The following METTL15 variants were observed in gnomAD, a reference collection of about 807,000 sequenced individuals.
METTL15 encodes 12S rRNA N(4)-cytidine methyltransferase METTL15.
A neutral mutation model predicts 38.3 loss-of-function variants in METTL15; 34 were observed. The observed-to-expected ratio is 0.89, with a 90% CI of 0.68 to 1.18. The LOEUF is 1.18. Among genes scored for constraint, METTL15 ranks in the 50% most tolerant of loss-of-function variants. METTL15 has a pLI of 0.00. For synonymous variants in METTL15, 162 were observed against 170.9 expected (o/e 0.95, Z 0.41); for missense variants, 438 against 498.4 (o/e 0.88, Z 1.15).
intron 6 of METTL15, among the ~76,000 whole-genome samples, chr11:28,509,099 G>A (rs1005592505): frequency 6.6e-6 from 1 of 152,176 alleles, no homozygotes; most frequent in Non-Finnish European, 1.5e-5. Flanking sequence ...TGTGGCACAG[G>A]TTTGCAATTT....
rs71050961 is a variant in METTL15 at position 28,479,057 on chromosome 11, TTGTGTGTGTGTGTGTG to T, written c.*425-47397_*425-47382del. Among the ~76,000 whole-genome samples, 580 of 146,832 alleles carry T rather than the reference TTGTGTGTGTGTGTGTG, an allele frequency of 4.0e-3. 5 individuals carry two copies. Among genetic ancestry groups the T allele is most frequent in the African/African-American group, 0.013 (538 of 40,326 alleles). ...ACTCTAGTTTTTTGCTTATTTCTCT[TTGTGTGTGTGTGTGTG>T]TGTGTGTGTGTGTGTGTGTGTGTTT... On this transcript the variant is annotated intron_variant and NMD_transcript_variant, in intron 6 of 7. Transcript: ENST00000532947.
intron 3 of METTL15, among the ~76,000 whole-genome samples, chr11:28,144,570 T>C (rs1849813716): frequency 6.6e-6 from 1 of 152,160 alleles, no homozygotes; most frequent in Admixed American, 6.5e-5. Flanking sequence ...GATTTTTTTT[T>C]CAAAGTGCAG....
intron 6 of METTL15, among the ~76,000 whole-genome samples, chr11:28,302,283 T>G (rs532060993): frequency 6.6e-6 from 1 of 152,264 alleles, no homozygotes; most frequent in East Asian, 1.9e-4. Context: ...AGCTCTGCTT[T>G]TAGAATGTTT....
At chr11:28,134,429 A>C (rs560043825) in intron 3 of METTL15, 1 of 396,976 alleles carries the variant, frequency 2.5e-6, no homozygotes, top group Non-Finnish European at 4.4e-6. Flanking sequence ...TATTTAGGCA[A>C]GGCCCCTGTG....
intron 2 of METTL15, among the ~76,000 whole-genome samples, chr11:28,111,776 T>C (rs1851728864): frequency 6.6e-6 from 1 of 152,236 alleles, no homozygotes; most frequent in African/African-American, 2.4e-5. Context: ...GTGGTTATAA[T>C]AGTAAGTGGT....
intron 4 of METTL15, among the ~76,000 whole-genome samples, chr11:28,246,433 T>G (rs1338437869): frequency 6.6e-6 from 1 of 152,128 alleles, no homozygotes. Context: ...AGATATTTAT[T>G]TTGGCTTGGG....
intron 5 of METTL15, among the ~76,000 whole-genome samples, chr11:28,422,824 C>A (rs1850831976): frequency 6.6e-6 from 1 of 151,876 alleles, no homozygotes; most frequent in Admixed American, 6.6e-5. Flanking sequence ...GGACAGGCAA[C>A]CAAAGCAAAA....
At chr11:28,308,972 TATCA>T (rs976126920) in intron 6 of METTL15, among the ~76,000 whole-genome samples, 1 of 152,092 alleles carries the variant, frequency 6.6e-6, no homozygotes, top group Admixed American at 6.6e-5. Context: ...ATAGCCATTC[TATCA>T]ATCAACCAAT....
intron 4 of METTL15, among the ~76,000 whole-genome samples, chr11:28,220,716 T>C (rs1235362771): frequency 6.6e-6 from 1 of 152,170 alleles, no homozygotes; most frequent in Non-Finnish European, 1.5e-5. Flanking sequence ...TTCGTTTCCA[T>C]GTTTAGTGCT....
chr11:28,220,928 C>G (rs903645274), intron 4 of METTL15, among the ~76,000 whole-genome samples: 1 of 152,206 alleles, frequency 6.6e-6, no homozygotes, highest in Non-Finnish European at 1.5e-5. Flanking sequence ...GCGGAGAGAT[C>G]AACTGTTAGT....
At chr11:28,455,556 G>A (rs1452258072) in intron 6 of METTL15, among the ~76,000 whole-genome samples, 1 of 152,034 alleles carries the variant, frequency 6.6e-6, no homozygotes, top group Non-Finnish European at 1.5e-5. Flanking sequence ...CCCACTTCCA[G>A]CGTGGCACAT....
At chr11:28,203,945 G>T (rs1590151751) in intron 3 of METTL15, among the ~76,000 whole-genome samples, 2 of 152,098 alleles carry the variant, frequency 1.3e-5, no homozygotes, top group African/African-American at 4.8e-5. Flanking sequence ...GATGTTAAAT[G>T]ACTCTAAAAA....
intron 6 of METTL15, among the ~76,000 whole-genome samples, chr11:28,488,685 T>G (rs189729006): frequency 4.1e-4 from 62 of 152,280 alleles, no homozygotes; most frequent in African/African-American, 1.5e-3. Context: ...TGTAATTTGT[T>G]TGGAATAATT....
At chr11:28,328,058 A>AT (rs1460995041) in intron 6 of METTL15, 1 of 1,589,164 alleles carries the variant, frequency 6.3e-7, no homozygotes, top group South Asian at 1.1e-5. Context: ...TTTACTTCCT[A>AT]TTTTACATGA....
At chr11:28,127,306 C>T (rs1852531718) in intron 3 of METTL15, among the ~76,000 whole-genome samples, 1 of 151,940 alleles carries the variant, frequency 6.6e-6, no homozygotes, top group Non-Finnish European at 1.5e-5. Context: ...TAGGACAAAG[C>T]TGACATTTAT....
At chr11:28,415,258 C>T (rs1033342612) in intron 5 of METTL15, among the ~76,000 whole-genome samples, 2 of 152,096 alleles carry the variant, frequency 1.3e-5, no homozygotes, top group African/African-American at 4.8e-5. Context: ...ATCTGAATGA[C>T]TTTCTAGAAA....
intron 6 of METTL15, among the ~76,000 whole-genome samples, chr11:28,314,048 A>G (rs1018471281): frequency 2.0e-5 from 3 of 152,180 alleles, no homozygotes; most frequent in African/African-American, 7.2e-5. Flanking sequence ...GAAGTTCAGT[A>G]TTGAATTTGG....
intron 4 of METTL15, among the ~76,000 whole-genome samples, chr11:28,288,968 C>T (rs1856400795): frequency 1.3e-5 from 2 of 152,100 alleles, no homozygotes; most frequent in South Asian, 2.1e-4. Flanking sequence ...CAATGACTCT[C>T]CTTTCTGTCC....
intron 6 of METTL15, among the ~76,000 whole-genome samples, chr11:28,518,251 A>G (rs1304802185): frequency 6.6e-6 from 1 of 152,202 alleles, no homozygotes; most frequent in Non-Finnish European, 1.5e-5. Context: ...CACATGACAC[A>G]TCTGGGTGGC....
Sources: gnomAD v4.1 joint callset for allele counts (sites outside exome capture counted in the v4.1 genomes callset) on GRCh38, gnomAD v4.1.1 for gene constraint, MANE v1.5 for transcripts, NCBI Gene and HGNC (gene_info 2026-07-23, HGNC 2026-07-21) for gene names.